Variants in ELF2 observed in about 807,000 individuals in gnomAD.
The protein encoded by ELF2 is ETS-related transcription factor Elf-2.
Under a neutral mutation model 54.8 loss-of-function variants are expected in ELF2, and 11 were observed. That is an observed-to-expected ratio of 0.20 (90% confidence interval 0.13 to 0.33). The LOEUF (loss-of-function observed/expected upper bound fraction) is 0.33. ELF2 is among the 10% of genes least tolerant of loss of function. The probability of loss-of-function intolerance (pLI) is 1.00; values close to 1 mark genes in which losing one functional copy is unlikely to be tolerated. For synonymous variants in ELF2, 203 were observed against 245.1 expected (o/e 0.83, Z 1.61); for missense variants, 513 against 703.0 (o/e 0.73, Z 3.06).
At chr4:139,175,776 A>C (rs776994350) in intron 1 of ELF2, among the ~76,000 whole-genome samples, 23 of 152,222 alleles carry the variant, frequency 1.5e-4, no homozygotes, top group Admixed American at 3.3e-4. Context: ...GTTCATGAAC[A>C]CAAGAAAGGG....
chr4:139,071,491 A>G (rs1729504403), intron 6 of ELF2, among the ~76,000 whole-genome samples: 1 of 151,970 alleles, frequency 6.6e-6, no homozygotes, highest in Non-Finnish European at 1.5e-5. Context: ...GACTTTGTAA[A>G]ATAAAGAATA....
chr4:139,086,692 A>G (rs943393363), intron 4 of ELF2, among the ~76,000 whole-genome samples: 1 of 152,206 alleles, frequency 6.6e-6, no homozygotes, highest in Non-Finnish European at 1.5e-5. Context: ...ACCCTTCTCA[A>G]TTCATATAGA....
intron 4 of ELF2, among the ~76,000 whole-genome samples, chr4:139,113,540 G>A (rs1440446551): frequency 6.7e-6 from 1 of 150,174 alleles, no homozygotes; most frequent in Non-Finnish European, 1.5e-5. Context: ...CAGTCTTGGT[G>A]ACAGAGACCC....
At position 139,151,040 on chromosome 4, in the gene ELF2, G is replaced by GAAAAGAAAAGAAAAGAAAAGA. The variant is rs1353592026; in HGVS notation, c.-251-11544_-251-11543insTCTTTTCTTTTCTTTTCTTTT. 1.8e-3 allele frequency among the ~76,000 whole-genome samples: 102 copies of GAAAAGAAAAGAAAAGAAAAGA among 55,812 alleles called. 2 individuals are homozygous for GAAAAGAAAAGAAAAGAAAAGA. Among genetic ancestry groups the GAAAAGAAAAGAAAAGAAAAGA allele is most frequent in the African/African-American group, 4.8e-3 (98 of 20,522 alleles). 36.6% of individuals were successfully genotyped at this position (55,812 alleles called of 152,430 possible). A position where few individuals can be genotyped will look rare whatever the true frequency, so the allele number is the denominator to read the frequency against. On this transcript the variant is annotated intron_variant, in intron 1 of 9. Transcript: ENST00000686138. ...CTCCATCTCAAAAAAAAAAAAGAAA[G>GAAAAGAAAAGAAAAGAAAAGA]AAAGAAAGAAAGAAAGAAAGAAAGA... is the stretch of plus-strand genomic sequence containing the variant.
chr4:139,136,858 G>C (rs967570937), intron 3 of ELF2: 2 of 151,988 alleles, frequency 1.3e-5, no homozygotes, highest in African/African-American at 4.8e-5. Flanking sequence ...GTAGAGGCAG[G>C]GTTTCGCCAT....
At chr4:139,098,493 G>C (rs777917555) in intron 4 of ELF2, among the ~76,000 whole-genome samples, 14 of 144,762 alleles carry the variant, frequency 9.7e-5, no homozygotes, top group Non-Finnish European at 1.5e-4. Context: ...TTTTGAGACA[G>C]AGCTTCACTC....
chr4:139,130,833 A>G (rs1258663837), intron 3 of ELF2, among the ~76,000 whole-genome samples: 1 of 152,226 alleles, frequency 6.6e-6, no homozygotes, highest in Non-Finnish European at 1.5e-5. Context: ...ACAGGTATTT[A>G]TAAGTTCAAC....
intron 4 of ELF2, among the ~76,000 whole-genome samples, chr4:139,102,827 C>A (rs1014469172): frequency 6.6e-6 from 1 of 152,020 alleles, no homozygotes; most frequent in Non-Finnish European, 1.5e-5. Flanking sequence ...GGCGACAGAG[C>A]AAGACTCCAT....
chr4:139,074,823 T>C (rs1234833733), intron 4 of ELF2, among the ~76,000 whole-genome samples: 3 of 151,216 alleles, frequency 2.0e-5, no homozygotes, highest in Non-Finnish European at 3.0e-5. Flanking sequence ...AATACAACAA[T>C]TAAAAATACA....
chr4:139,173,048 C>T (rs929082792), intron 1 of ELF2, among the ~76,000 whole-genome samples: 1 of 151,904 alleles, frequency 6.6e-6, no homozygotes, highest in African/African-American at 2.4e-5. Flanking sequence ...TGTACAATTC[C>T]ACTTATACAA....
At chr4:139,125,994 T>C (rs1236570202) in intron 3 of ELF2, among the ~76,000 whole-genome samples, 2 of 152,136 alleles carry the variant, frequency 1.3e-5, no homozygotes, top group Non-Finnish European at 2.9e-5. Context: ...GGCACAGTTG[T>C]TAGCATCATA....
chr4:139,097,510 G>A (rs552830098), intron 4 of ELF2, among the ~76,000 whole-genome samples: 15 of 151,574 alleles, frequency 9.9e-5, no homozygotes, highest in African/African-American at 3.2e-4. Flanking sequence ...CCAGCTACTC[G>A]GGAGGCTGAG....
intron 1 of ELF2, among the ~76,000 whole-genome samples, chr4:139,163,370 A>C (rs1741363595): frequency 1.3e-5 from 2 of 152,160 alleles, no homozygotes; most frequent in Admixed American, 1.3e-4. Context: ...AGGAAATAAT[A>C]TAAAAAGGAC....
intron 8 of ELF2, among the ~76,000 whole-genome samples, chr4:139,061,277 C>A (rs560748735): frequency 2.6e-5 from 4 of 151,220 alleles, no homozygotes; most frequent in Non-Finnish European, 5.9e-5. Flanking sequence ...TGGGTTCAAG[C>A]GATTCTCTTA....
intron 4 of ELF2, among the ~76,000 whole-genome samples, chr4:139,076,656 A>G (rs1250640134): frequency 6.6e-6 from 1 of 152,198 alleles, no homozygotes; most frequent in Admixed American, 6.5e-5. Flanking sequence ...ATACAGCAAG[A>G]GAATTTTACC....
At chr4:139,107,165 T>C (rs569037225) in intron 4 of ELF2, among the ~76,000 whole-genome samples, 60 of 152,262 alleles carry the variant, frequency 3.9e-4, no homozygotes, top group African/African-American at 1.4e-3. Flanking sequence ...AAAAGGTTCA[T>C]GACACAAAAA....
chr4:139,157,098 T>G (rs1740626888), intron 1 of ELF2, among the ~76,000 whole-genome samples: 1 of 152,186 alleles, frequency 6.6e-6, no homozygotes, highest in Non-Finnish European at 1.5e-5. Flanking sequence ...CAGACATAGA[T>G]GGTGTAGCCT....
At chr4:139,084,250 A>C in intron 4 of ELF2, 3 of 1,608,728 alleles carry the variant, frequency 1.9e-6, no homozygotes, top group Non-Finnish European at 2.5e-6. Context: ...CAGCGGCGGC[A>C]GGGGAGGAGG....
intron 4 of ELF2, among the ~76,000 whole-genome samples, chr4:139,108,003 G>T (rs1734588945): frequency 6.6e-6 from 1 of 151,626 alleles, no homozygotes; most frequent in Non-Finnish European, 1.5e-5. Context: ...AAACTGAAAA[G>T]GTGAGAATGT....
Sources: gnomAD v4.1 joint callset for allele counts (sites outside exome capture counted in the v4.1 genomes callset) on GRCh38, gnomAD v4.1.1 for gene constraint, MANE v1.5 for transcripts, NCBI Gene and HGNC (gene_info 2026-07-23, HGNC 2026-07-21) for gene names.